Variants in SLCO1C1 observed in about 807,000 individuals in gnomAD.
SLCO1C1 encodes OAT-RP-5.
In SLCO1C1, 70 loss-of-function variants were observed where a neutral mutation model predicts 76.4. That is an observed-to-expected ratio of 0.92 (90% CI 0.76 to 1.12). The LOEUF is 1.12. Ranked by LOEUF, SLCO1C1 falls within the 50% of genes most tolerant of loss-of-function variation. The pLI is 0.00. For synonymous variants in SLCO1C1, 306 were observed against 286.1 expected (o/e 1.07, Z -0.70); for missense variants, 912 against 823.8 (o/e 1.11, Z -1.31).
At chr12:20,740,068 A>T in intron 11 of SLCO1C1, 116 bp from the exon 12 acceptor site, 3 of 1,030,562 alleles carry the variant, frequency 2.9e-6, no homozygotes, top group Non-Finnish European at 4.2e-6. Context: ...AAAATAAAAG[A>T]ATATTTCCTC....
intron 3 of SLCO1C1, among the ~76,000 whole-genome samples, chr12:20,701,700 T>C (rs1300384360): frequency 2.0e-5 from 3 of 151,468 alleles, no homozygotes; most frequent in Non-Finnish European, 4.4e-5. Context: ...CAATTCAGAG[T>C]TCTACATCAG....
intron 13 of SLCO1C1, among the ~76,000 whole-genome samples, chr12:20,749,372 G>C (rs1004932736): frequency 6.6e-6 from 1 of 152,186 alleles, no homozygotes; most frequent in Non-Finnish European, 1.5e-5. Context: ...TCCAAGTGTA[G>C]GCAGCGGTTG....
At chr12:20,752,261 GT>G (rs1565554034) in intron 14 of SLCO1C1, 44 bp from the exon 15 acceptor site, 3 of 1,301,138 alleles carry the variant, frequency 2.3e-6, no homozygotes, top group Non-Finnish European at 3.1e-6. Context: ...TTTCTTTCAA[GT>G]TGGTTGTTGC....
chr12:20,740,801 ATATATATATATATATATG>A lies in SLCO1C1; in HGVS notation c.1733+434_1733+451del, dbSNP rs61289547. On this transcript the variant is annotated intron_variant, in intron 12 of 14. Transcript: ENST00000266509. ...ATTTATTTTATTTATATATATATAT[ATATATATATATATATATG>A]GCTTTATCTGTATATTTTTGCCATG... 8.0e-3 allele frequency among the ~76,000 whole-genome samples: 1,019 copies of A among 127,104 alleles called. 44 individuals are homozygous for A. Among genetic ancestry groups the A allele is most frequent in the African/African-American group, 0.027 (967 of 36,128 alleles). The allele number at this position is 127,104 out of a possible 152,430, so 83.4% of individuals were successfully genotyped here.
chr12:20,715,337 T>G (rs757224295), intron 6 of SLCO1C1, 52 bp downstream of exon 6: 6 of 1,596,284 alleles, frequency 3.8e-6, no homozygotes, highest in Non-Finnish European at 5.1e-6. Flanking sequence ...GGGTGTCTAG[T>G]TTTCTGAATT....
chr12:20,723,397 T>C, intron 9 of SLCO1C1, 143 bp downstream of exon 9: 2 of 997,582 alleles, frequency 2.0e-6, no homozygotes, highest in Non-Finnish European at 2.9e-6. Context: ...AAGAATGTTG[T>C]AGCAAGAATT....
intron 6 of SLCO1C1, among the ~76,000 whole-genome samples, chr12:20,716,467 G>C (rs1947364380): frequency 6.6e-6 from 1 of 152,276 alleles, no homozygotes; most frequent in Non-Finnish European, 1.5e-5. Flanking sequence ...TTTAAGCTTT[G>C]TGGTGAAATG....
chr12:20,701,454 A>G lies in SLCO1C1; in HGVS notation c.266A>G (p.Glu89Gly). The change falls in exon 3 of 15, where the codon GAA (glutamate) becomes GGA (glycine). Residue 89 changes from glutamate (E) to glycine (G), a missense_variant. Physicochemically the swap from Glu to Gly is moderately conservative, Grantham distance 98. Coordinates refer to ENST00000266509, the MANE Select transcript of SLCO1C1 (RefSeq NM_017435.5). The stretch of plus-strand genomic sequence containing the variant: ...GTGGGAGTTATTGATGGTAGTTTTG[A>G]AATTGGTAGGTATTACAGATGCCTG... ...SLVGVIDGSF[E>G]IGNLLVITFV... The G allele has an allele frequency of 6.7e-7, 1 of 1,503,412 alleles. No individual in the cohort carries two copies. 93.1% of individuals were successfully genotyped at this position (1,503,412 alleles called of 1,614,324 possible).
chr12:20,724,113 A>G (rs1319707576), intron 9 of SLCO1C1, among the ~76,000 whole-genome samples: 1 of 152,036 alleles, frequency 6.6e-6, no homozygotes. Context: ...TCTTGATGTT[A>G]AGGTTACGTT....
Position 20,746,184 on chromosome 12 carries a change from C to G in SLCO1C1, c.1798+2815C>G, listed in dbSNP as rs1949034228. 2.6e-5 allele frequency among the ~76,000 whole-genome samples: 4 copies of G among 152,038 alleles called. No individual in the cohort carries two copies. In the South Asian group the frequency reaches 8.3e-4, roughly 32 times the overall value. On this transcript the variant is annotated intron_variant, in intron 13 of 14. Coordinates refer to ENST00000266509, the MANE Select transcript of SLCO1C1 (RefSeq NM_017435.5). ...AGAACCAATTTGAGGAGACTGGCCT[C>G]AAGGTGAGATAAATTGAAACTCAAA...
At chr12:20,703,040 A>G (rs1433580138) in intron 3 of SLCO1C1, among the ~76,000 whole-genome samples, 1 of 151,886 alleles carries the variant, frequency 6.6e-6, no homozygotes, top group African/African-American at 2.4e-5. Flanking sequence ...CTTCCAGACC[A>G]TTCTAGGTAT....
At chr12:20,715,529 C>A (rs1947324159) in intron 6 of SLCO1C1, among the ~76,000 whole-genome samples, 1 of 152,190 alleles carries the variant, frequency 6.6e-6, no homozygotes, top group Non-Finnish European at 1.5e-5. Flanking sequence ...AGCTTAGCTG[C>A]AATGACGTAT....
chr12:20,700,125 G>A (rs1209474765), intron 2 of SLCO1C1: 3 of 150,442 alleles, frequency 2.0e-5, no homozygotes, highest in Non-Finnish European at 4.4e-5. Flanking sequence ...TCAAACAATA[G>A]TTTTTAGTTT....
intron 1 of SLCO1C1, chr12:20,697,561 A>G (rs1249710396): frequency 1.3e-5 from 2 of 152,074 alleles, no homozygotes; most frequent in East Asian, 3.9e-4. Flanking sequence ...AGATACTGTT[A>G]AGGAAGAATC....
At chr12:20,708,500 T>A (rs927449774) in intron 4 of SLCO1C1, among the ~76,000 whole-genome samples, 2 of 151,342 alleles carry the variant, frequency 1.3e-5, no homozygotes, top group African/African-American at 4.9e-5. Context: ...GTGTGGTGGG[T>A]TGGGGGTGGT....
At chr12:20,727,422 T>C (rs1948069569) in intron 9 of SLCO1C1, among the ~76,000 whole-genome samples, 1 of 152,204 alleles carries the variant, frequency 6.6e-6, no homozygotes, top group South Asian at 2.1e-4. Context: ...TTTCTCATTG[T>C]GGTTTTTATT....
Position 20,750,717 on chromosome 12 carries a change from C to T in SLCO1C1, c.1841C>T (p.Thr614Ile). 1 of 1,614,046 alleles carries T rather than the reference C, an allele frequency of 6.2e-7. No individual in the cohort carries two copies. Among genetic ancestry groups the T allele is most frequent in the Non-Finnish European group, 8.5e-7 (1 of 1,179,942 alleles). The change falls in exon 14 of 15, where the codon ACT becomes ATT. Residue 614 changes from threonine to isoleucine, a missense_variant. By Grantham distance (89) the Thr-to-Ile change is moderately conservative. Coordinates refer to ENST00000266509, the MANE Select transcript of SLCO1C1 (RefSeq NM_017435.5). ...GTGTATTTTGGAGTTTTGATTGATACTTCATGCCTCAAATGGGGATTTAAA... is the reference window on the plus strand; with the variant it reads ...GTGTATTTTGGAGTTTTGATTGATATTTCATGCCTCAAATGGGGATTTAAA... ...APVYFGVLID[T>I]SCLKWGFKRC...
At chr12:20,720,795 C>T (rs1023516279) in intron 7 of SLCO1C1, among the ~76,000 whole-genome samples, 5 of 151,928 alleles carry the variant, frequency 3.3e-5, no homozygotes, top group Middle Eastern at 3.2e-3. Context: ...GTCAGGAGTT[C>T]GAGACTGGCC....
intron 9 of SLCO1C1, among the ~76,000 whole-genome samples, chr12:20,731,485 T>G (rs1948259847): frequency 6.6e-6 from 1 of 152,254 alleles, no homozygotes; most frequent in Non-Finnish European, 1.5e-5. Flanking sequence ...CATGGGGTTG[T>G]AAGTCAGACA....
Sources: allele counts gnomAD v4.1 joint callset (sites outside exome capture counted in the v4.1 genomes callset), GRCh38; gene constraint gnomAD v4.1.1; transcripts MANE v1.5; gene names NCBI Gene and HGNC (gene_info 2026-07-23, HGNC 2026-07-21).